HIVEP3: variants seen among roughly 807,000 people sequenced by gnomAD.
HIVEP3 encodes the protein transcription factor HIVEP3.
Under a neutral mutation model 152.8 loss-of-function variants are expected in HIVEP3, and 49 were observed. The ratio of observed to expected loss-of-function variants is 0.32; its 90% CI spans 0.26 to 0.41. The LOEUF is 0.41. Among genes scored for constraint, HIVEP3 ranks in the 10% least tolerant of loss-of-function variants. The pLI is 1.00. For missense variants in HIVEP3, 2,790 were observed against 3,103.3 expected (o/e 0.90, Z 2.40); for synonymous variants, 1,269 against 1,289.0 (o/e 0.98, Z 0.33).
intron 1 of HIVEP3, among the ~76,000 whole-genome samples, chr1:41,929,810 T>C (rs7536727): frequency 0.039 from 5,797 of 146,764 alleles, 376 homozygotes; most frequent in African/African-American, 0.14. Context: ...CATGGATTCA[T>C]TCCATCATTC....
intron 2 of HIVEP3, among the ~76,000 whole-genome samples, chr1:41,672,262 C>G (rs1253217108): frequency 6.6e-6 from 1 of 152,194 alleles, no homozygotes; most frequent in Non-Finnish European, 1.5e-5. Flanking sequence ...GATACTCACT[C>G]CCCTCCCAGA....
intron 1 of HIVEP3, among the ~76,000 whole-genome samples, chr1:41,723,234 A>C (rs1320552071): frequency 6.6e-6 from 1 of 152,138 alleles, no homozygotes; most frequent in Admixed American, 6.5e-5. Context: ...CACATCTGCC[A>C]GATCTTGAGT....
At position 41,513,729 on chromosome 1, in the gene HIVEP3, T is replaced by A; in HGVS notation, c.5492A>T (p.Gln1831Leu). ...AEEGTSDDLF[Q>L]DSEGREGSEA... ...TGAACCCTCTCGTCCTTCCGAGTCC[T>A]GGAACAGGTCGTCACTGGTTCCTGA... Residue 1831 changes from glutamine (Q) to leucine (L), a missense_variant, in exon 8 of 9, where the codon CAG becomes CTG. By Grantham distance (113) the Gln-to-Leu change is moderately radical. Transcript: ENST00000372583. 1 of 1,579,436 alleles carries A rather than the reference T, an allele frequency of 6.3e-7. No individual in the cohort carries two copies. The highest frequency in any genetic ancestry group is 1.2e-5 in the South Asian group (1 of 84,160).
At chr1:41,684,210 G>A (rs1646082517) in intron 2 of HIVEP3, among the ~76,000 whole-genome samples, 1 of 152,182 alleles carries the variant, frequency 6.6e-6, no homozygotes, top group South Asian at 2.1e-4. Context: ...ACTTCCTGGA[G>A]GTGACTCAGC....
At chr1:41,611,625 C>T (rs1219530067) in intron 3 of HIVEP3, among the ~76,000 whole-genome samples, 2 of 152,340 alleles carry the variant, frequency 1.3e-5, no homozygotes, top group South Asian at 2.1e-4. Flanking sequence ...TCAACCACTT[C>T]CCCATTTCAC....
At chr1:41,785,998 CA>C (rs941806632) in intron 1 of HIVEP3, among the ~76,000 whole-genome samples, 6 of 149,428 alleles carry the variant, frequency 4.0e-5, no homozygotes, top group Non-Finnish European at 7.4e-5. Flanking sequence ...AACTCTGTCT[CA>C]AAAAAAAAAT....
At chr1:41,666,082 C>T (rs1363318659) in intron 2 of HIVEP3, among the ~76,000 whole-genome samples, 3 of 151,954 alleles carry the variant, frequency 2.0e-5, no homozygotes, top group African/African-American at 7.3e-5. Flanking sequence ...CTTTCCTGGA[C>T]TCAGATGCTT....
chr1:41,526,583 C>CA (rs1642932372), intron 5 of HIVEP3, among the ~76,000 whole-genome samples: 1 of 56,174 alleles, frequency 1.8e-5, no homozygotes, highest in Non-Finnish European at 3.3e-5. Flanking sequence ...ACATACACCC[C>CA]CACACTCACA....
At chr1:41,600,988 T>C (rs886985680) in intron 3 of HIVEP3, among the ~76,000 whole-genome samples, 1 of 152,198 alleles carries the variant, frequency 6.6e-6, no homozygotes, top group Admixed American at 6.5e-5. Flanking sequence ...TATCCAGTTT[T>C]CCCAGCACCA....
chr1:41,748,983 C>T (rs958692514), intron 1 of HIVEP3, among the ~76,000 whole-genome samples: 1 of 152,102 alleles, frequency 6.6e-6, no homozygotes, highest in African/African-American at 2.4e-5. Context: ...GAGACAGGTG[C>T]CACAAATGAG....
At chr1:41,597,667 C>G (rs1467443053) in intron 3 of HIVEP3, among the ~76,000 whole-genome samples, 2 of 152,162 alleles carry the variant, frequency 1.3e-5, no homozygotes, top group Non-Finnish European at 2.9e-5. Flanking sequence ...CAGGCCACAC[C>G]AGCCTCACAG....
chr1:41,624,941 G>GCA (rs1293962314), intron 3 of HIVEP3, among the ~76,000 whole-genome samples: 14 of 152,188 alleles, frequency 9.2e-5, no homozygotes, highest in African/African-American at 2.4e-4. Flanking sequence ...CGAGGTGGAT[G>GCA]GATCACAAGG....
At chr1:41,551,493 G>A (rs962501037) in intron 5 of HIVEP3, among the ~76,000 whole-genome samples, 1 of 152,194 alleles carries the variant, frequency 6.6e-6, no homozygotes, top group Non-Finnish European at 1.5e-5. Context: ...ATTGGGCTGT[G>A]AATCCATCTG....
chr1:41,658,114 C>T (rs1390159897), intron 2 of HIVEP3, among the ~76,000 whole-genome samples: 1 of 152,250 alleles, frequency 6.6e-6, no homozygotes, highest in Non-Finnish European at 1.5e-5. Flanking sequence ...TTTCTCACAA[C>T]TACACCCTCT....
chr1:41,559,484 AG>A (rs1372824295), intron 5 of HIVEP3, among the ~76,000 whole-genome samples: 3 of 152,066 alleles, frequency 2.0e-5, no homozygotes, highest in Non-Finnish European at 2.9e-5. Context: ...GTCTCCACGG[AG>A]GGATGCCCCT....
intron 1 of HIVEP3, among the ~76,000 whole-genome samples, chr1:42,017,798 G>A (rs1275529274): frequency 3.3e-5 from 5 of 152,100 alleles, no homozygotes; most frequent in African/African-American, 1.2e-4. Context: ...GGGAATTGCG[G>A]GTACAGAGTG....
Position 41,581,101 on chromosome 1 carries a change from C to A in HIVEP3, c.3697G>T (p.Ala1233Ser). 6.4e-7 allele frequency: 1 copy of A among 1,559,038 alleles called. No individual in the cohort carries two copies. The change falls in exon 4 of 9, where the codon GCA becomes TCA. Residue 1233 changes from alanine to serine, a missense_variant. Ala to Ser is a moderately conservative substitution (Grantham distance 99, BLOSUM62 1). Coordinates refer to ENST00000372583, the MANE Select transcript of HIVEP3 (RefSeq NM_024503.5). The surrounding 1 kb of genome is among the most constrained non-coding windows in gnomAD (Gnocchi z 4.5). Reference protein sequence around the residue: ...FLPMPYPTSSALSSGFFLPLQ... With the variant: ...FLPMPYPTSSSLSSGFFLPLQ... ...GGCAGGAAAAACCCAGAAGACAGTG[C>A]TGAGGAGGTCGGGTATGGCATGGGG...
intron 5 of HIVEP3, among the ~76,000 whole-genome samples, chr1:41,560,439 T>G (rs1289174340): frequency 1.3e-5 from 2 of 152,154 alleles, no homozygotes; most frequent in East Asian, 3.8e-4. Context: ...CCTGGGCAAC[T>G]GTTTCATGCA....
chr1:42,015,455 T>A lies in HIVEP3; in HGVS notation n.119+20352A>T, dbSNP rs116454585. Reference sequence around the variant, plus strand: ...ACCTGTGAGGGGTTTGCATGGTCACTGCCCTTCAGAATTCAGCGTAGACAC... The same window carrying A: ...ACCTGTGAGGGGTTTGCATGGTCACAGCCCTTCAGAATTCAGCGTAGACAC... On this transcript the variant is annotated intron_variant and non_coding_transcript_variant, in intron 1 of 3. Transcript: ENST00000489103. Among the ~76,000 whole-genome samples, 233 of 152,328 alleles carry A rather than the reference T, an allele frequency of 1.5e-3. 1 individual carries two copies. The highest frequency in any genetic ancestry group is 5.2e-3 in the African/African-American group (217 of 41,586).
Sources: allele counts gnomAD v4.1 joint callset (sites outside exome capture counted in the v4.1 genomes callset), GRCh38; gene constraint gnomAD v4.1.1; non-coding constraint Gnocchi (gnomAD v3.1); transcripts MANE v1.5; gene names NCBI Gene and HGNC (gene_info 2026-07-23, HGNC 2026-07-21).